Variants in CDH13 observed in about 807,000 individuals in gnomAD.
CDH13 encodes cadherin-13.
Under a neutral mutation model 63.8 loss-of-function variants are expected in CDH13, and 24 were observed. The ratio of observed to expected loss-of-function variants is 0.38; its 90% confidence interval spans 0.27 to 0.53. The LOEUF is 0.53. Among genes scored for constraint, CDH13 ranks in the 20% least tolerant of loss-of-function variants. CDH13 has a pLI of 0.85. For synonymous variants in CDH13, 503 were observed against 355.3 expected (o/e 1.42, Z -4.67); for missense variants, 1,049 against 903.1 (o/e 1.16, Z -2.07).
chr16:83,414,394 A>C (rs1401737446), intron 6 of CDH13, among the ~76,000 whole-genome samples: 1 of 152,174 alleles, frequency 6.6e-6, no homozygotes, highest in Non-Finnish European at 1.5e-5. Context: ...AGAGGAAACA[A>C]ATATATATGT....
At chr16:83,784,986 G>A (rs1183151997) in intron 13 of CDH13, among the ~76,000 whole-genome samples, 1 of 152,214 alleles carries the variant, frequency 6.6e-6, no homozygotes, top group Admixed American at 6.5e-5. Flanking sequence ...CCACCCCTCG[G>A]AGGCTTCTCC....
intron 4 of CDH13, among the ~76,000 whole-genome samples, chr16:83,190,097 G>A (rs1226895835): frequency 6.6e-6 from 1 of 152,160 alleles, no homozygotes. Flanking sequence ...TTTATTAGCA[G>A]CGTGAGAACA....
chr16:83,428,983 A>G (rs982475739), intron 6 of CDH13, among the ~76,000 whole-genome samples: 13 of 152,228 alleles, frequency 8.5e-5, no homozygotes, highest in Non-Finnish European at 1.5e-4. Flanking sequence ...AAGGGGCACA[A>G]ATATCTTCTC....
intron 8 of CDH13, among the ~76,000 whole-genome samples, chr16:83,610,752 AT>A (rs1908786131): frequency 6.6e-6 from 1 of 152,158 alleles, no homozygotes; most frequent in Non-Finnish European, 1.5e-5. Flanking sequence ...TTTGGGGATA[AT>A]TTAGGTAATA....
chr16:82,938,816 A>T (rs986544204), intron 2 of CDH13, among the ~76,000 whole-genome samples: 1 of 152,230 alleles, frequency 6.6e-6, no homozygotes, highest in Non-Finnish European at 1.5e-5. Flanking sequence ...TGTAGAAGAC[A>T]CACTTCAGAG....
intron 4 of CDH13, among the ~76,000 whole-genome samples, chr16:83,168,538 A>C (rs2037785772): frequency 6.6e-6 from 1 of 152,104 alleles, no homozygotes; most frequent in South Asian, 2.1e-4. Flanking sequence ...TGCCGACTCC[A>C]GTATTCCATT....
intron 6 of CDH13, 86 bp from the exon 7 acceptor site, chr16:83,486,391 A>G (rs2073890304): frequency 1.8e-6 from 2 of 1,106,702 alleles, no homozygotes; most frequent in African/African-American, 1.5e-5. Context: ...ACACTGCTGC[A>G]CTGCTATTGC....
At chr16:82,634,852 C>T (rs1016120848) in intron 1 of CDH13, among the ~76,000 whole-genome samples, 2 of 152,188 alleles carry the variant, frequency 1.3e-5, no homozygotes, top group African/African-American at 4.8e-5. Context: ...GGGAGATTCA[C>T]CTGAGACCAA....
At chr16:83,203,521 C>T (rs887104120) in intron 4 of CDH13, among the ~76,000 whole-genome samples, 1 of 151,620 alleles carries the variant, frequency 6.6e-6, no homozygotes, top group African/African-American at 2.4e-5. Flanking sequence ...CCCGTCTCTA[C>T]TAAAAATACA....
At chr16:83,701,467 C>T (rs1567528690) in intron 10 of CDH13, among the ~76,000 whole-genome samples, 1 of 152,214 alleles carries the variant, frequency 6.6e-6, no homozygotes, top group South Asian at 2.1e-4. Context: ...GGCCGTACCC[C>T]ATGCACAGCT....
chr16:82,724,586 G>C (rs2032981563), intron 1 of CDH13, among the ~76,000 whole-genome samples: 1 of 152,170 alleles, frequency 6.6e-6, no homozygotes, highest in South Asian at 2.1e-4. Context: ...GTCTGATGGA[G>C]GCATCCCCAC....
chr16:82,831,455 T>G (rs773215222), intron 1 of CDH13, among the ~76,000 whole-genome samples: 1 of 152,172 alleles, frequency 6.6e-6, no homozygotes, highest in Non-Finnish European at 1.5e-5. Flanking sequence ...TAACTATTGC[T>G]TAATAAATGC....
chr16:83,362,860 T>G (rs1341829510), intron 6 of CDH13, among the ~76,000 whole-genome samples: 2 of 152,232 alleles, frequency 1.3e-5, no homozygotes, highest in Non-Finnish European at 2.9e-5. Context: ...ATGTTGATTT[T>G]ATTGCTTATG....
intron 4 of CDH13, among the ~76,000 whole-genome samples, chr16:83,193,101 C>A (rs1440523870): frequency 6.6e-6 from 1 of 151,740 alleles, no homozygotes; most frequent in Non-Finnish European, 1.5e-5. Context: ...TCTGCACCTA[C>A]AGGCATTGCT....
At chr16:82,885,523 C>G (rs1304448203) in intron 2 of CDH13, among the ~76,000 whole-genome samples, 2 of 146,872 alleles carry the variant, frequency 1.4e-5, no homozygotes, top group African/African-American at 5.0e-5. Flanking sequence ...ATCCATTCAT[C>G]CATCCATCCA....
chr16:83,510,481 T>G (rs138554065), intron 7 of CDH13, among the ~76,000 whole-genome samples: 263 of 152,336 alleles, frequency 1.7e-3, no homozygotes, highest in South Asian at 4.6e-3. Flanking sequence ...AATTTTCTTT[T>G]GCAAAGTTTT....
At position 83,602,477 on chromosome 16, in the gene CDH13, A is replaced by G; in HGVS notation, c.984A>G (p.Glu328=). 6.2e-7 allele frequency: 1 copy of G among 1,614,002 alleles called. No individual in the cohort carries two copies. The highest frequency in any genetic ancestry group is 1.1e-5 in the South Asian group (1 of 91,086). ...DRETLENPKY[E]LIIEAQDMAG... is the part of the protein sequence containing the mutation. Reference sequence around the variant, plus strand: ...AGACTCTGGAAAATCCCAAGTATGAACTGATCATCGAGGCTCAAGATATGG... The same window carrying G: ...AGACTCTGGAAAATCCCAAGTATGAGCTGATCATCGAGGCTCAAGATATGG... Residue 328 remains glutamate, a synonymous_variant, in exon 8 of 14, where the codon GAA becomes GAG. Transcript: ENST00000567109.
chr16:83,368,930 A>ATGC (rs2091309296), intron 6 of CDH13, among the ~76,000 whole-genome samples: 1 of 68,152 alleles, frequency 1.5e-5, no homozygotes, highest in Non-Finnish European at 2.8e-5. Flanking sequence ...ATATATATAT[A>ATGC]TATATATACT....
Position 82,627,977 on chromosome 16 carries a change from C to G in CDH13, c.45+840C>G, listed in dbSNP as rs114681251. On this transcript the variant is annotated intron_variant, in intron 1 of 13. Transcript: ENST00000567109. Reference sequence around the variant, plus strand: ...CAGCTGCTTGTTAACCCTCAGAGCGCCACGGCGCGAGGGAAGGGCACGCCA... The same window carrying G: ...CAGCTGCTTGTTAACCCTCAGAGCGGCACGGCGCGAGGGAAGGGCACGCCA... 5.0e-3 allele frequency among the ~76,000 whole-genome samples: 762 copies of G among 152,376 alleles called. 10 individuals carry two copies. Among genetic ancestry groups the G allele is most frequent in the African/African-American group, 0.018 (735 of 41,592 alleles).
Sources: gnomAD v4.1 joint callset for allele counts (sites outside exome capture counted in the v4.1 genomes callset) on GRCh38, gnomAD v4.1.1 for gene constraint, MANE v1.5 for transcripts, NCBI Gene and HGNC (gene_info 2026-07-23, HGNC 2026-07-21) for gene names.